Variants in HYDIN observed in about 807,000 individuals in gnomAD.
The protein encoded by HYDIN is HYDIN axonemal central pair apparatus protein.
Under a neutral mutation model 403.9 loss-of-function variants are expected in HYDIN, and 132 were observed. The observed-to-expected ratio is 0.33, with a 90% CI of 0.28 to 0.38. The LOEUF (loss-of-function observed/expected upper bound fraction) is 0.38, where lower values mean the gene tolerates loss of function less well. HYDIN is among the 10% of genes least tolerant of loss of function. HYDIN has a pLI of 1.00. For synonymous variants in HYDIN, 1,202 were observed against 1,891.7 expected (o/e 0.64, Z 9.46); for missense variants, 2,827 against 5,009.5 (o/e 0.56, Z 13.15).
chr16:70,857,950 C>T (rs368293743), intron 71 of HYDIN, 80 bp from the exon 72 acceptor site: 24 of 1,258,652 alleles, frequency 1.9e-5, no homozygotes, highest in African/African-American at 1.5e-4. Flanking sequence ...CTTGTCAGCA[C>T]GAGGGTCATG....
chr16:71,081,878 T>G (rs924224690), intron 12 of HYDIN, among the ~76,000 whole-genome samples: 3 of 143,122 alleles, frequency 2.1e-5, no homozygotes, highest in Non-Finnish European at 3.0e-5. Flanking sequence ...TCAAACTTTA[T>G]AAAATCACAT....
At chr16:71,031,073 A>G (rs1356655561) in intron 19 of HYDIN, among the ~76,000 whole-genome samples, 3 of 149,758 alleles carry the variant, frequency 2.0e-5, no homozygotes, top group African/African-American at 4.9e-5. Context: ...GGTGGTGGGC[A>G]CCTGTAGTCC....
intron 7 of HYDIN, among the ~76,000 whole-genome samples, chr16:71,145,525 G>C (rs2085335694): frequency 6.6e-6 from 1 of 152,096 alleles, no homozygotes; most frequent in African/African-American, 2.4e-5. Context: ...TTACAGGCGT[G>C]AGTCACCACC....
At chr16:71,214,807 A>G (rs1263851831) in intron 1 of HYDIN, among the ~76,000 whole-genome samples, 2 of 149,930 alleles carry the variant, frequency 1.3e-5, no homozygotes, top group Non-Finnish European at 3.0e-5. Context: ...ACTTAAGAAC[A>G]CAGCCTTAAA....
chr16:70,917,036 C>A (rs1287334924), intron 47 of HYDIN, among the ~76,000 whole-genome samples: 2 of 152,134 alleles, frequency 1.3e-5, no homozygotes, highest in Non-Finnish European at 2.9e-5. Context: ...GATCCTCCCA[C>A]CTCAGCCTCC....
At chr16:70,968,913 A>C (rs903700068) in intron 36 of HYDIN, among the ~76,000 whole-genome samples, 2 of 152,128 alleles carry the variant, frequency 1.3e-5, no homozygotes, top group African/African-American at 4.8e-5. Context: ...TACTTGAAGC[A>C]AATAAAAAAA....
Position 70,992,136 on chromosome 16 carries a change from G to C in HYDIN, c.3719C>G (p.Ala1240Gly), listed in dbSNP as rs1218323748. 4 of 1,612,512 alleles carry C rather than the reference G, an allele frequency of 2.5e-6. No homozygotes were observed. The highest frequency in any genetic ancestry group is 3.4e-6 in the Non-Finnish European group (4 of 1,179,334). The change falls in exon 24 of 86, where the codon GCT becomes GGT. Residue 1240 changes from alanine (A) to glycine (G), a missense_variant. By Grantham distance (60) the Ala-to-Gly change is moderately conservative. Coordinates refer to ENST00000393567, the MANE Select transcript of HYDIN (RefSeq NM_001270974.2). ...AACTAGGATTGCTGGTGGGCTGGCA[G>C]CCTCTGAGGTTGCTGGGATGGACTC... Reference protein sequence around the residue: ...QMESIPATSEAASPPAILVTV... With the variant: ...QMESIPATSEGASPPAILVTV...
At chr16:70,968,907 T>G (rs1043558130) in intron 36 of HYDIN, among the ~76,000 whole-genome samples, 1 of 151,620 alleles carries the variant, frequency 6.6e-6, no homozygotes, top group Non-Finnish European at 1.5e-5. Context: ...TGAACATACT[T>G]GAAGCAAATA....
At chr16:71,203,116 A>C (rs1185121852) in intron 1 of HYDIN, among the ~76,000 whole-genome samples, 1 of 152,208 alleles carries the variant, frequency 6.6e-6, no homozygotes, top group Non-Finnish European at 1.5e-5. Context: ...AAAGCCAAGT[A>C]TATAAAAGCA....
chr16:71,035,861 G>A (rs891912974), intron 18 of HYDIN, among the ~76,000 whole-genome samples: 26 of 152,062 alleles, frequency 1.7e-4, no homozygotes, highest in African/African-American at 6.3e-4. Context: ...TGGCCAGTAA[G>A]AGAAGAAAGA....
At chr16:70,859,256 G>C (rs1234018354) in intron 71 of HYDIN, among the ~76,000 whole-genome samples, 1 of 151,928 alleles carries the variant, frequency 6.6e-6, no homozygotes, top group Non-Finnish European at 1.5e-5. Flanking sequence ...AGCCGAGATC[G>C]CGCCACTGCA....
At chr16:71,226,753 G>A (rs1327806106) in intron 1 of HYDIN, among the ~76,000 whole-genome samples, 2 of 151,978 alleles carry the variant, frequency 1.3e-5, no homozygotes, top group African/African-American at 2.4e-5. Context: ...ACTGACGCTC[G>A]GGCCTCCCAG....
intron 10 of HYDIN, among the ~76,000 whole-genome samples, chr16:71,110,662 G>A (rs1408548069): frequency 6.6e-6 from 1 of 151,546 alleles, no homozygotes; most frequent in Non-Finnish European, 1.5e-5. Context: ...AACTTCATTG[G>A]GAGAAAACAC....
chr16:71,198,493 C>G (rs201558686), intron 1 of HYDIN, among the ~76,000 whole-genome samples: 2 of 152,134 alleles, frequency 1.3e-5, no homozygotes, highest in East Asian at 3.9e-4. Flanking sequence ...GTAGAATATG[C>G]TAGGAATGCA....
chr16:71,108,755 A>C (rs906788072), intron 10 of HYDIN, among the ~76,000 whole-genome samples: 1 of 152,018 alleles, frequency 6.6e-6, no homozygotes, highest in African/African-American at 2.4e-5. Flanking sequence ...CTAGAAACAA[A>C]GTCCAACATG....
At chr16:71,034,426 T>C (rs1242100888) in intron 18 of HYDIN, among the ~76,000 whole-genome samples, 1 of 151,966 alleles carries the variant, frequency 6.6e-6, no homozygotes, top group East Asian at 1.9e-4. Flanking sequence ...CCAGGCAGAA[T>C]CTCACAGGGT....
chr16:70,968,478 A>ACT (rs1293819053), intron 36 of HYDIN, among the ~76,000 whole-genome samples: 2 of 148,520 alleles, frequency 1.3e-5, no homozygotes, highest in East Asian at 4.0e-4. Flanking sequence ...GTAACAAGGC[A>ACT]CTCCTGCCCC....
Position 71,190,953 on chromosome 16 carries a change from A to C in HYDIN, c.-23-4035T>G, listed in dbSNP as rs537051180. Reference sequence around the variant, plus strand: ...GAAAATGACTCAGTTTATTCACAATAAACATAGCATGAAAGAGAGAGGAGC... The same window carrying C: ...GAAAATGACTCAGTTTATTCACAATCAACATAGCATGAAAGAGAGAGGAGC... On this transcript the variant is annotated intron_variant, in intron 1 of 85. Transcript: ENST00000393567. Among the ~76,000 whole-genome samples, 3 of 152,298 alleles carry C rather than the reference A, an allele frequency of 2.0e-5. No individual in the cohort carries two copies. In the East Asian group the frequency reaches 5.8e-4, roughly 29 times the overall value.
intron 10 of HYDIN, among the ~76,000 whole-genome samples, chr16:71,109,451 AAAACAAAAC>A (rs1269030740): frequency 7.3e-6 from 1 of 136,920 alleles, no homozygotes; most frequent in African/African-American, 3.7e-5. Flanking sequence ...AAAGCAAAGG[AAAACAAAAC>A]AAAACAAGGG....
Sources: allele counts gnomAD v4.1 joint callset (sites outside exome capture counted in the v4.1 genomes callset), GRCh38; gene constraint gnomAD v4.1.1; transcripts MANE v1.5; gene names NCBI Gene and HGNC (gene_info 2026-07-23, HGNC 2026-07-21).